The following ZNF654 variants were observed in gnomAD, a reference collection of about 807,000 sequenced individuals.
The protein encoded by ZNF654 is melanoma-associated antigen.
Under a neutral mutation model 95.3 loss-of-function variants are expected in ZNF654, and 19 were observed. The ratio of observed to expected loss-of-function variants is 0.20; its 90% CI spans 0.14 to 0.29. The LOEUF (loss-of-function observed/expected upper bound fraction) is 0.29. ZNF654 is among the 10% of genes least tolerant of loss of function. ZNF654 has a pLI of 1.00. For missense variants in ZNF654, 1,046 were observed against 1,341.0 expected, an observed-to-expected ratio of 0.78 and a Z score of 3.44; for synonymous variants, 413 against 457.9, an observed-to-expected ratio of 0.90 and a Z score of 1.25.
At chr3:88,115,987 CAG>C (rs1347714971) in intron 3 of ZNF654, among the ~76,000 whole-genome samples, 1 of 152,068 alleles carries the variant, frequency 6.6e-6, no homozygotes, top group Non-Finnish European at 1.5e-5. Context: ...TGCGATGAAA[CAG>C]GGAAATGTGT....
intron 3 of ZNF654, among the ~76,000 whole-genome samples, chr3:88,123,575 T>G (rs1057384968): frequency 1.3e-5 from 2 of 152,194 alleles, no homozygotes; most frequent in African/African-American, 4.8e-5. Context: ...TCAGTAGGTC[T>G]AAATTAGGTC....
In ZNF654 at chr3:88,111,522, A is replaced by G. The variant is rs536478466; in HGVS notation, c.333-1593A>G. Among the ~76,000 whole-genome samples, 5 of 152,128 alleles carry G rather than the reference A, an allele frequency of 3.3e-5. No individual in the cohort carries two copies. The East Asian group carries it at 9.6e-4, about 29-fold the overall frequency. On this transcript the variant is annotated intron_variant, in intron 2 of 8. Coordinates refer to ENST00000636215, the MANE Select transcript of ZNF654 (RefSeq NM_001350134.2). ...TTTTAATTCATATAGATGTAGCTAT[A>G]TTCTCACTAATGTTCCGTTAATATT...
chr3:88,120,443 C>T (rs1193288540), intron 3 of ZNF654, among the ~76,000 whole-genome samples: 1 of 152,092 alleles, frequency 6.6e-6, no homozygotes, highest in Middle Eastern at 3.2e-3. Context: ...GATGAAGAAA[C>T]TTTAGTTTGG....
At chr3:88,122,179 G>C (rs772656310) in intron 3 of ZNF654, among the ~76,000 whole-genome samples, 5 of 152,152 alleles carry the variant, frequency 3.3e-5, no homozygotes, top group Non-Finnish European at 7.4e-5. Flanking sequence ...ATAGGATTTA[G>C]ATACGTTCAT....
intron 2 of ZNF654, among the ~76,000 whole-genome samples, chr3:88,108,291 T>C (rs1380911139): frequency 2.6e-5 from 4 of 152,012 alleles, no homozygotes. Context: ...AATATACTGG[T>C]GTAGCTATTT....
intron 1 of ZNF654, among the ~76,000 whole-genome samples, chr3:88,076,830 C>T (rs1707830249): frequency 6.6e-6 from 1 of 152,052 alleles, no homozygotes; most frequent in Non-Finnish European, 1.5e-5. Flanking sequence ...TTAAAATGAC[C>T]TGCTATTCAT....
intron 3 of ZNF654, among the ~76,000 whole-genome samples, chr3:88,118,449 G>A (rs1409979708): frequency 1.3e-5 from 2 of 152,162 alleles, no homozygotes; most frequent in Non-Finnish European, 2.9e-5. Context: ...TGTGGGGCAA[G>A]TGTTGATCTC....
At position 88,142,487 on chromosome 3, in the gene ZNF654, T is replaced by C. The variant is rs1285164689; in HGVS notation, c.*835T>C. ...TTTGTAGTTGAAGGAAAACACTGAATTGCAAATTATTCAATGTGAATAATG... is the reference window on the plus strand; with the variant it reads ...TTTGTAGTTGAAGGAAAACACTGAACTGCAAATTATTCAATGTGAATAATG... On this transcript the variant is annotated 3_prime_UTR_variant, in exon 9 of 9. Transcript: ENST00000636215. 6.6e-6 allele frequency: 1 copy of C among 152,370 alleles called. No homozygotes were observed. The highest frequency in any genetic ancestry group is 1.5e-5 in the Non-Finnish European group (1 of 67,836). 9.4% of individuals were successfully genotyped at this position (152,370 alleles called of 1,614,324 possible). A position where few individuals can be genotyped will look rare whatever the true frequency, so the allele number is the denominator to read the frequency against.
chr3:88,127,676 C>T (rs1326136107), intron 4 of ZNF654, among the ~76,000 whole-genome samples: 1 of 152,098 alleles, frequency 6.6e-6, no homozygotes, highest in African/African-American at 2.4e-5. Flanking sequence ...AGGCTTCACT[C>T]GTAGGATCTA....
chr3:88,103,089 G>A (rs1435371245), intron 2 of ZNF654, among the ~76,000 whole-genome samples: 1 of 152,026 alleles, frequency 6.6e-6, no homozygotes, highest in Non-Finnish European at 1.5e-5. Context: ...TTGGTTTTCT[G>A]TTCATGCGTT....
rs760017871 is a variant in ZNF654, at chr3:88,135,174, T to A, written c.1007T>A (p.Phe336Tyr). ...LRTATNVRVIFPFMKIIKDEV... is the reference protein window; with the variant it reads ...LRTATNVRVIYPFMKIIKDEV... ...ACAGCAACTAATGTGAGAGTCATATTTCCTTTCATGAAAATCATCAAAGAT... is the reference window on the plus strand; with the variant it reads ...ACAGCAACTAATGTGAGAGTCATATATCCTTTCATGAAAATCATCAAAGAT... The change falls in exon 7 of 9, where the codon TTT (phenylalanine) becomes TAT (tyrosine). Residue 336 changes from phenylalanine (F) to tyrosine (Y), a missense_variant. Phe to Tyr is a conservative substitution (Grantham distance 22, BLOSUM62 3). Coordinates refer to ENST00000636215, the MANE Select transcript of ZNF654 (RefSeq NM_001350134.2). 2 of 1,481,236 alleles carry A rather than the reference T, an allele frequency of 1.4e-6. No homozygotes were observed. Among genetic ancestry groups the A allele is most frequent in the South Asian group, 2.7e-5 (2 of 73,214 alleles). The allele number at this position is 1,481,236 out of a possible 1,614,324, so 91.8% of individuals were successfully genotyped here.
At chr3:88,059,960 A>G (rs932526983) in intron 1 of ZNF654, among the ~76,000 whole-genome samples, 6 of 151,082 alleles carry the variant, frequency 4.0e-5, no homozygotes, top group Non-Finnish European at 8.9e-5. Flanking sequence ...GAGACATGCC[A>G]TCTTTCCTGT....
At chr3:88,082,458 T>C (rs1462575709) in intron 1 of ZNF654, among the ~76,000 whole-genome samples, 2 of 152,326 alleles carry the variant, frequency 1.3e-5, no homozygotes, top group Middle Eastern at 3.4e-3. Flanking sequence ...CTGGATTCGC[T>C]GTAAACAAAT....
intron 3 of ZNF654, among the ~76,000 whole-genome samples, chr3:88,124,239 A>G (rs1196980096): frequency 1.3e-5 from 2 of 152,186 alleles, no homozygotes; most frequent in African/African-American, 2.4e-5. Context: ...CAACAATCCT[A>G]TGAAGTAGGT....
At chr3:88,117,748 G>A (rs1360169142) in intron 3 of ZNF654, among the ~76,000 whole-genome samples, 3 of 152,094 alleles carry the variant, frequency 2.0e-5, no homozygotes, top group African/African-American at 7.2e-5. Context: ...GGTATTGATT[G>A]GATGGAGATA....
intron 6 of ZNF654, 138 bp from the exon 7 acceptor site, chr3:88,134,923 T>C (rs1706682027): frequency 2.1e-6 from 1 of 475,398 alleles, no homozygotes; most frequent in Non-Finnish European, 3.4e-6. Context: ...GTAGAAGAAG[T>C]AGTTTGGGGG....
intron 2 of ZNF654, among the ~76,000 whole-genome samples, chr3:88,094,380 A>G (rs952267834): frequency 6.6e-6 from 1 of 152,100 alleles, no homozygotes; most frequent in African/African-American, 2.4e-5. Flanking sequence ...GGTTGGGACT[A>G]TAGTTGTTTT....
At position 88,143,226 on chromosome 3, in the gene ZNF654, T is replaced by A. The variant is rs1271331528; in HGVS notation, c.*1574T>A. 6.6e-6 allele frequency: 1 copy of A among 150,568 alleles called. No individual in the cohort carries two copies. The highest frequency in any genetic ancestry group is 1.5e-5 in the Non-Finnish European group (1 of 67,496). The allele number at this position is 150,568 out of a possible 1,614,324, so 9.3% of individuals were successfully genotyped here. ...TTCCAGATCATGATAGATCAGATGA[T>A]TTTTTTTTAATTTCCCGGTTTTATT... On this transcript the variant is annotated 3_prime_UTR_variant, in exon 9 of 9. Transcript: ENST00000636215.
chr3:88,095,234 A>G (rs1326486812), intron 2 of ZNF654, among the ~76,000 whole-genome samples: 1 of 152,104 alleles, frequency 6.6e-6, no homozygotes, highest in African/African-American at 2.4e-5. Context: ...TCCCCCTATG[A>G]ATAGGACTAT....
Sources: gnomAD v4.1 joint callset for allele counts (sites outside exome capture counted in the v4.1 genomes callset) on GRCh38, gnomAD v4.1.1 for gene constraint, MANE v1.5 for transcripts, NCBI Gene and HGNC (gene_info 2026-07-23, HGNC 2026-07-21) for gene names.